The following POC5 variants were observed in gnomAD, a reference collection of about 807,000 sequenced individuals.
POC5 encodes centrosomal protein POC5.
A neutral mutation model predicts 62.9 loss-of-function variants in POC5; 48 were observed. The observed-to-expected ratio is 0.76, with a 90% confidence interval of 0.61 to 0.97. The LOEUF (loss-of-function observed/expected upper bound fraction) is 0.97. Ranked by LOEUF, POC5 falls within the 50% of genes least tolerant of loss-of-function variation. POC5 has a pLI of 0.00. For synonymous variants in POC5, 236 were observed against 228.2 expected (o/e 1.03, Z -0.31); for missense variants, 696 against 679.5 (o/e 1.02, Z -0.27).
At chr5:75,711,991 A>G (rs1465432441) in intron 2 of POC5, among the ~76,000 whole-genome samples, 2 of 152,236 alleles carry the variant, frequency 1.3e-5, no homozygotes, top group East Asian at 1.9e-4. Context: ...TGGGACAGGT[A>G]CCATCAAAAG....
intron 4 of POC5, 27 bp downstream of exon 4, chr5:75,705,677 T>C (rs1443861319): frequency 3.6e-6 from 5 of 1,396,048 alleles, no homozygotes; most frequent in African/African-American, 2.9e-5. Flanking sequence ...TGTATATTAA[T>C]ACAAATAAGC....
chr5:75,692,957 TAAAC>T (rs1011283943), intron 6 of POC5, among the ~76,000 whole-genome samples: 10 of 150,674 alleles, frequency 6.6e-5, no homozygotes, highest in Non-Finnish European at 1.2e-4. Flanking sequence ...TTTTCTGGAT[TAAAC>T]AAACCTATAA....
At chr5:75,689,742 GTTA>G (rs1776244491) in intron 8 of POC5, 2 of 885,210 alleles carry the variant, frequency 2.3e-6, no homozygotes, top group Non-Finnish European at 2.7e-6. Context: ...GCTGTAATGA[GTTA>G]TTTTTTCATT....
At chr5:75,694,016 T>C (rs1776453630) in intron 6 of POC5, among the ~76,000 whole-genome samples, 1 of 152,172 alleles carries the variant, frequency 6.6e-6, no homozygotes, top group African/African-American at 2.4e-5. Context: ...AGATAGAATT[T>C]GAGATGCTTA....
intron 5 of POC5, among the ~76,000 whole-genome samples, chr5:75,698,564 T>A (rs1295604319): frequency 4.0e-5 from 6 of 149,970 alleles, no homozygotes; most frequent in Admixed American, 6.7e-5. Context: ...ACACATTCAA[T>A]GCAGTGTGTA....
intron 10 of POC5, among the ~76,000 whole-genome samples, chr5:75,681,177 T>G (rs1269232746): frequency 6.6e-6 from 1 of 152,156 alleles, no homozygotes; most frequent in Non-Finnish European, 1.5e-5. Flanking sequence ...GTAAGAGGTC[T>G]AAATCAGATT....
chr5:75,692,441 T>G lies in POC5; in HGVS notation c.750A>C (p.Arg250Ser), dbSNP rs748548879. 3 of 1,598,074 alleles carry G rather than the reference T, an allele frequency of 1.9e-6. No homozygotes were observed. The highest frequency in any genetic ancestry group is 2.6e-6 in the Non-Finnish European group (3 of 1,171,828). ...GGCCGATTCGCCAGTGGAAGAATGT[T>G]CTCATCAACTCTATCTTTTCCTTTT... ...GKQKEKIELMRTFFHWRIGHV... is the reference protein window; with the variant it reads ...GKQKEKIELMSTFFHWRIGHV... Residue 250 changes from arginine (R) to serine (S), a missense_variant, in exon 7 of 12, where the codon AGA (arginine) becomes AGC (serine). Arg to Ser is a moderately radical substitution (Grantham distance 110). Coordinates refer to ENST00000428202, the MANE Select transcript of POC5 (RefSeq NM_001099271.2).
At chr5:75,716,664 C>T (rs1347605267) in intron 1 of POC5, among the ~76,000 whole-genome samples, 1 of 152,196 alleles carries the variant, frequency 6.6e-6, no homozygotes, top group African/African-American at 2.4e-5. Flanking sequence ...ACTACATTTT[C>T]AGTAGTCTCT....
chr5:75,685,978 C>T (rs144220025), intron 9 of POC5, among the ~76,000 whole-genome samples: 2,787 of 152,216 alleles, frequency 0.018, 85 homozygotes, highest in African/African-American at 0.062. Context: ...TATTTTTGTT[C>T]TTGAGTCGTC....
At chr5:75,716,992 G>A (rs1468005314) in intron 1 of POC5, among the ~76,000 whole-genome samples, 1 of 152,170 alleles carries the variant, frequency 6.6e-6, no homozygotes, top group East Asian at 1.9e-4. Context: ...ATCACCTTCC[G>A]ACCCAGCCTG....
chr5:75,675,202 TA>T (rs1333980156), intron 11 of POC5, among the ~76,000 whole-genome samples: 183 of 152,304 alleles, frequency 1.2e-3, no homozygotes, highest in African/African-American at 4.0e-3. Flanking sequence ...TTGACACACA[TA>T]ATATGCATGT....
chr5:75,697,910 T>C (rs574949006), intron 5 of POC5, among the ~76,000 whole-genome samples: 361 of 144,202 alleles, frequency 2.5e-3, no homozygotes, highest in African/African-American at 8.2e-3. Flanking sequence ...AAGGCAGGGG[T>C]TGCAATCCTA....
chr5:75,687,322 G>A (rs998549436), intron 9 of POC5, among the ~76,000 whole-genome samples: 8 of 152,092 alleles, frequency 5.3e-5, no homozygotes, highest in Non-Finnish European at 8.8e-5. Flanking sequence ...GAGCGACCGC[G>A]CCTGGCCTAT....
intron 10 of POC5, among the ~76,000 whole-genome samples, chr5:75,684,908 C>T (rs920412237): frequency 4.0e-5 from 6 of 149,370 alleles, no homozygotes; most frequent in Admixed American, 3.3e-4. Context: ...CGCTCTGTTG[C>T]CCAGGCTGGA....
At chr5:75,690,301 G>T (rs1326794923) in intron 8 of POC5, 82 bp downstream of exon 8, 2 of 1,269,190 alleles carry the variant, frequency 1.6e-6, no homozygotes, top group African/African-American at 3.0e-5. Context: ...AAGACCAAAA[G>T]AAGAAGTCTA....
chr5:75,690,417 T>C lies in POC5; in HGVS notation c.941A>G (p.Gln314Arg), dbSNP rs1327676956. ...CQARAEEVCI[Q>R]ISNDYEAKVA... ...TTTGGCTTCATAATCATTGGAAATC[T>C]GGATACAAACTTCTTCAGCTCTTGC... is the stretch of plus-strand genomic sequence containing the variant. The change falls in exon 8 of 12, where the codon CAG (glutamine) becomes CGG (arginine). Residue 314 changes from glutamine to arginine, a missense_variant. Gln to Arg is a conservative substitution (Grantham distance 43, BLOSUM62 1). Coordinates refer to ENST00000428202, the MANE Select transcript of POC5 (RefSeq NM_001099271.2). The C allele has an allele frequency of 1.2e-6, 2 of 1,611,848 alleles. No homozygotes were observed. The highest frequency in any genetic ancestry group is 1.7e-6 in the Non-Finnish European group (2 of 1,179,086).
At chr5:75,698,557 C>A (rs1362703605) in intron 5 of POC5, among the ~76,000 whole-genome samples, 3 of 151,902 alleles carry the variant, frequency 2.0e-5, no homozygotes, top group African/African-American at 7.3e-5. Context: ...CTCTGGGACA[C>A]ATTCAATGCA....
At chr5:75,698,061 C>A (rs1254567089) in intron 5 of POC5, among the ~76,000 whole-genome samples, 2 of 144,448 alleles carry the variant, frequency 1.4e-5, no homozygotes, top group African/African-American at 2.5e-5. Context: ...CACCCAGATT[C>A]ATAAAGCAAG....
chr5:75,689,951 A>C (rs1186644056), intron 8 of POC5, among the ~76,000 whole-genome samples: 2 of 152,114 alleles, frequency 1.3e-5, no homozygotes, highest in Non-Finnish European at 2.9e-5. Flanking sequence ...CAACAGTGTG[A>C]TATAGCTCAC....
Sources: gnomAD v4.1 joint callset for allele counts (sites outside exome capture counted in the v4.1 genomes callset) on GRCh38, gnomAD v4.1.1 for gene constraint, MANE v1.5 for transcripts, NCBI Gene and HGNC (gene_info 2026-07-23, HGNC 2026-07-21) for gene names.